TMEM135: variants seen among roughly 807,000 people sequenced by gnomAD.
The protein encoded by TMEM135 is peroxisomal membrane protein 52.
In TMEM135, 30 loss-of-function variants were observed where a neutral mutation model predicts 60.3. That is an observed-to-expected ratio of 0.50 (90% CI 0.37 to 0.68). The LOEUF (loss-of-function observed/expected upper bound fraction) is 0.68, where lower values mean the gene tolerates loss of function less well. Ranked by LOEUF, TMEM135 falls within the 30% of genes least tolerant of loss-of-function variation. The probability of loss-of-function intolerance (pLI) is 0.00; values close to 1 mark genes in which losing one functional copy is unlikely to be tolerated. For synonymous variants in TMEM135, 190 were observed against 186.7 expected, an observed-to-expected ratio of 1.02 and a Z score of -0.14; for missense variants, 468 against 548.8, an observed-to-expected ratio of 0.85 and a Z score of 1.47.
Position 87,047,785 on chromosome 11 carries a change from G to C in TMEM135, c.141+9599G>C, listed in dbSNP as rs1007737168. 8.3e-5 allele frequency among the ~76,000 whole-genome samples: 10 copies of C among 120,832 alleles called. 1 individual carries two copies. Among genetic ancestry groups the C allele is most frequent in the East Asian group, 7.7e-4 (3 of 3,898 alleles). 79.3% of individuals were successfully genotyped at this position (120,832 alleles called of 152,430 possible). A position where few individuals can be genotyped will look rare whatever the true frequency, so the allele number is the denominator to read the frequency against. On this transcript the variant is annotated intron_variant, in intron 1 of 14. Transcript: ENST00000305494. ...GCTTGCTTAGGTAAACAAAGCAGCC[G>C]GGAAGCTCCAACTGGGTGGAGCCCA...
intron 3 of TMEM135, among the ~76,000 whole-genome samples, chr11:87,090,955 A>C (rs906377002): frequency 1.3e-5 from 2 of 152,058 alleles, no homozygotes; most frequent in Non-Finnish European, 2.9e-5. Context: ...TTATTTTTTC[A>C]TAAATTTTTA....
intron 6 of TMEM135, chr11:87,259,305 G>A (rs756147207): frequency 5.4e-5 from 19 of 350,942 alleles, no homozygotes; most frequent in Non-Finnish European, 1.0e-4. Flanking sequence ...ATAGGGAAAA[G>A]ATATTTCCAA....
intron 6 of TMEM135, among the ~76,000 whole-genome samples, chr11:87,272,635 A>C (rs914731303): frequency 7.8e-6 from 1 of 127,444 alleles, no homozygotes; most frequent in Non-Finnish European, 1.8e-5. Context: ...TAACTTAAAA[A>C]ATTTTTTTGT....
In TMEM135 at chr11:87,104,893, A is replaced by G. The variant is rs563801003; in HGVS notation, c.396+13498A>G. Reference sequence around the variant, plus strand: ...AGATTGTTTTACTTCTTTCTTTCCTACTAGGATTACTTTTATTTGTTTCTC... The same window carrying G: ...AGATTGTTTTACTTCTTTCTTTCCTGCTAGGATTACTTTTATTTGTTTCTC... On this transcript the variant is annotated intron_variant, in intron 4 of 14. Transcript: ENST00000305494. 4.6e-5 allele frequency among the ~76,000 whole-genome samples: 7 copies of G among 152,156 alleles called. No homozygotes were observed. In the South Asian group the frequency reaches 1.0e-3, roughly 23 times the overall value.
At chr11:87,297,188 A>T (rs547259828) in intron 7 of TMEM135, among the ~76,000 whole-genome samples, 1 of 152,198 alleles carries the variant, frequency 6.6e-6, no homozygotes, top group Non-Finnish European at 1.5e-5. Flanking sequence ...ATGAGTGAAA[A>T]TGAGGACTGA....
At chr11:87,196,023 A>G (rs1261817027) in intron 5 of TMEM135, among the ~76,000 whole-genome samples, 1 of 151,680 alleles carries the variant, frequency 6.6e-6, no homozygotes, top group Non-Finnish European at 1.5e-5. Context: ...AATTTTACAT[A>G]GTATCTGTGC....
chr11:87,275,670 AT>A (rs1315119965), intron 6 of TMEM135, among the ~76,000 whole-genome samples: 1 of 151,802 alleles, frequency 6.6e-6, no homozygotes, highest in South Asian at 2.1e-4. Context: ...TATTATTTTT[AT>A]TTTTTTGAGA....
intron 4 of TMEM135, among the ~76,000 whole-genome samples, chr11:87,154,801 TG>T (rs1381467897): frequency 3.1e-5 from 2 of 65,444 alleles, no homozygotes; most frequent in Non-Finnish European, 5.9e-5. Flanking sequence ...TCAAGTCCTT[TG>T]CCCAGTTTTT....
chr11:87,065,638 G>A (rs1468633411), intron 1 of TMEM135, among the ~76,000 whole-genome samples: 2 of 152,090 alleles, frequency 1.3e-5, no homozygotes, highest in Admixed American at 6.6e-5. Context: ...TTTCCCAACA[G>A]GTCTTTAATA....
intron 6 of TMEM135, among the ~76,000 whole-genome samples, chr11:87,261,229 C>T (rs1358021534): frequency 6.6e-6 from 1 of 152,164 alleles, no homozygotes; most frequent in Non-Finnish European, 1.5e-5. Flanking sequence ...TTTCCCCTCC[C>T]TCTTCCTTTC....
intron 4 of TMEM135, among the ~76,000 whole-genome samples, chr11:87,112,743 C>T (rs1857786173): frequency 6.6e-6 from 1 of 151,260 alleles, no homozygotes; most frequent in Non-Finnish European, 1.5e-5. Context: ...TCGTGTAGGG[C>T]TGATGCCTAG....
At chr11:87,086,911 A>G (rs1479451156) in intron 3 of TMEM135, among the ~76,000 whole-genome samples, 1 of 152,058 alleles carries the variant, frequency 6.6e-6, no homozygotes, top group African/African-American at 2.4e-5. Flanking sequence ...GCTGCTATCA[A>G]TTTCCCCTTC....
At chr11:87,266,920 C>T (rs1941760322) in intron 6 of TMEM135, among the ~76,000 whole-genome samples, 2 of 152,260 alleles carry the variant, frequency 1.3e-5, no homozygotes, top group South Asian at 4.1e-4. Flanking sequence ...TACATAGTTG[C>T]CTCATTATAG....
At chr11:87,282,909 C>G (rs1307871807) in intron 6 of TMEM135, among the ~76,000 whole-genome samples, 1 of 152,120 alleles carries the variant, frequency 6.6e-6, no homozygotes, top group Non-Finnish European at 1.5e-5. Flanking sequence ...TATGTGTTGA[C>G]TCTCCCAATT....
intron 5 of TMEM135, among the ~76,000 whole-genome samples, chr11:87,188,738 A>G (rs950516733): frequency 2.0e-5 from 3 of 151,914 alleles, no homozygotes; most frequent in Admixed American, 1.3e-4. Flanking sequence ...AATATACACT[A>G]TTAATACTTG....
At chr11:87,168,857 C>A (rs957551627) in intron 5 of TMEM135, among the ~76,000 whole-genome samples, 1 of 152,042 alleles carries the variant, frequency 6.6e-6, no homozygotes, top group Non-Finnish European at 1.5e-5. Context: ...CCTGGATATC[C>A]TTGTTAATTT....
At chr11:87,098,430 C>G (rs1231097418) in intron 4 of TMEM135, among the ~76,000 whole-genome samples, 2 of 151,926 alleles carry the variant, frequency 1.3e-5, no homozygotes, top group Non-Finnish European at 2.9e-5. Context: ...TTAAAAGATA[C>G]AAAGATTAAA....
intron 7 of TMEM135, among the ~76,000 whole-genome samples, chr11:87,299,375 A>G (rs1275957269): frequency 6.6e-6 from 1 of 152,192 alleles, no homozygotes; most frequent in African/African-American, 2.4e-5. Context: ...CTTTAAAACC[A>G]TTAGCTCTCC....
intron 5 of TMEM135, among the ~76,000 whole-genome samples, chr11:87,186,765 A>T (rs945211347): frequency 6.6e-6 from 1 of 152,212 alleles, no homozygotes; most frequent in African/African-American, 2.4e-5. Flanking sequence ...TTTGTGAAAC[A>T]TTTTGAAACT....
Sources: allele counts gnomAD v4.1 joint callset (sites outside exome capture counted in the v4.1 genomes callset), GRCh38; gene constraint gnomAD v4.1.1; transcripts MANE v1.5; gene names NCBI Gene and HGNC (gene_info 2026-07-23, HGNC 2026-07-21).